PIGC: variants seen among roughly 807,000 people sequenced by gnomAD.
PIGC encodes the protein phosphatidylinositol N-acetylglucosaminyltransferase subunit C.
PIGC carries 14 observed loss-of-function variants against 20.9 expected under a neutral mutation model. The ratio of observed to expected loss-of-function variants is 0.67; its 90% CI spans 0.44 to 1.05. The LOEUF (loss-of-function observed/expected upper bound fraction) is 1.05. Among genes scored for constraint, PIGC ranks in the 50% least tolerant of loss-of-function variants. PIGC has a pLI of 0.00. For missense variants in PIGC, 310 were observed against 360.9 expected (o/e 0.86, Z 1.14); for synonymous variants, 132 against 141.4 (o/e 0.93, Z 0.47).
At chr1:172,443,016 T>C (rs1208422174) in intron 1 of PIGC, 186 bp from the exon 2 acceptor site, 1 of 186,296 alleles carries the variant, frequency 5.4e-6, no homozygotes, top group East Asian at 1.5e-4. Context: ...TAGACATCTG[T>C]TAGCTATCGC....
At position 172,442,532 on chromosome 1, in the gene PIGC, G is replaced by T; in HGVS notation, c.91C>A (p.Arg31=). 1 of 1,614,074 alleles carries T rather than the reference G, an allele frequency of 6.2e-7. No homozygotes were observed. Among genetic ancestry groups the T allele is most frequent in the East Asian group, 2.2e-5 (1 of 44,884 alleles). The stretch of plus-strand genomic sequence containing the variant: ...TTCCGGAGCTCTTCCAGGAATCGCC[G>T]GTCCACATAGTTATCAGGAAAGGGC... ...RQPFPDNYVD[R]RFLEELRKNI... The change falls in exon 2 of 2, where the codon CGG becomes AGG. Residue 31 remains arginine, a synonymous_variant. Coordinates refer to ENST00000344529, the MANE Select transcript of PIGC (RefSeq NM_153747.2).
In PIGC at chr1:172,442,069, G is replaced by C. The variant is rs752801400; in HGVS notation, c.554C>G (p.Ala185Gly). The change falls in exon 2 of 2, where the codon GCT (alanine) becomes GGT (glycine). Residue 185 changes from alanine to glycine, a missense_variant. Transcript: ENST00000344529. ...AAGACGTGATGCCAAGCATACAGAAGCAAAGATGGCCATGTTCAAGGATAG... is the reference window on the plus strand; with the variant it reads ...AAGACGTGATGCCAAGCATACAGAACCAAAGATGGCCATGTTCAAGGATAG... The part of the protein sequence containing the change: ...STLSLNMAIF[A>G]SVCLASRLPR... 8.7e-6 allele frequency: 14 copies of C among 1,614,064 alleles called. No individual in the cohort carries two copies. Among genetic ancestry groups the C allele is most frequent in the Non-Finnish European group, 1.2e-5 (14 of 1,180,030 alleles).
At position 172,442,761 on chromosome 1, in the gene PIGC, T is replaced by C; in HGVS notation, c.-139A>G. 2 of 753,200 alleles carry C rather than the reference T, an allele frequency of 2.7e-6. No homozygotes were observed. The highest frequency in any genetic ancestry group is 3.6e-5 in the South Asian group (2 of 56,202). The allele number at this position is 753,200 out of a possible 1,614,324, so 46.7% of individuals were successfully genotyped here. ...TTGATGTTCTACCAACCTTTCCTTG[T>C]TTTCAAAGGCAGGGGCTAGGCCTAC... On this transcript the variant is annotated 5_prime_UTR_variant, in exon 2 of 2. Transcript: ENST00000344529.
chr1:172,442,679 G>T lies in PIGC; in HGVS notation c.-57C>A. The T allele has an allele frequency of 6.8e-7, 1 of 1,460,324 alleles. No homozygotes were observed. The highest frequency in any genetic ancestry group is 9.5e-7 in the Non-Finnish European group (1 of 1,056,020). The allele number at this position is 1,460,324 out of a possible 1,614,324, so 90.5% of individuals were successfully genotyped here. A position where few individuals can be genotyped will look rare whatever the true frequency, so the allele number is the denominator to read the frequency against. On this transcript the variant is annotated 5_prime_UTR_variant, in exon 2 of 2. Coordinates refer to ENST00000344529, the MANE Select transcript of PIGC (RefSeq NM_153747.2). ...TCATCGCCCTCACAGAAGTCCAGGT[G>T]GTTCTTGTTCTTTATGAAGTTTTGA... is the stretch of plus-strand genomic sequence containing the variant.
At position 172,441,506 on chromosome 1, in the gene PIGC, C is replaced by T. The variant is rs1195846578; in HGVS notation, c.*223G>A. 2 of 408,046 alleles carry T rather than the reference C, an allele frequency of 4.9e-6. No individual in the cohort carries two copies. The highest frequency in any genetic ancestry group is 8.7e-6 in the Non-Finnish European group (2 of 230,690). The allele number at this position is 408,046 out of a possible 1,614,324, so 25.3% of individuals were successfully genotyped here. On this transcript the variant is annotated 3_prime_UTR_variant, in exon 2 of 2. Coordinates refer to ENST00000344529, the MANE Select transcript of PIGC (RefSeq NM_153747.2). ...AACCACATCACTTCATATGTTACAG[C>T]ATGTAATTCAAGAGGTCCCCAGAAA...
chr1:172,442,518 T>C lies in PIGC; in HGVS notation c.105A>G (p.Glu35=). 6.2e-7 allele frequency: 1 copy of C among 1,614,198 alleles called. No individual in the cohort carries two copies. Among genetic ancestry groups the C allele is most frequent in the Non-Finnish European group, 8.5e-7 (1 of 1,180,032 alleles). ...PDNYVDRRFL[E]ELRKNIHARK... The stretch of plus-strand genomic sequence containing the variant: ...GAGCATGGATGTTTTTCCGGAGCTC[T>C]TCCAGGAATCGCCGGTCCACATAGT... The change falls in exon 2 of 2, where the codon GAA becomes GAG. Residue 35 remains glutamate, a synonymous_variant. Transcript: ENST00000344529.
rs1417130070 is a variant in PIGC at position 172,441,467 on chromosome 1, ATTTTT to A, written c.*257_*261del. 2 of 303,762 alleles carry A rather than the reference ATTTTT, an allele frequency of 6.6e-6. No homozygotes were observed. The highest frequency in any genetic ancestry group is 1.2e-5 in the Non-Finnish European group (2 of 165,906). The allele number at this position is 303,762 out of a possible 1,614,324, so 18.8% of individuals were successfully genotyped here. A position where few individuals can be genotyped will look rare whatever the true frequency, so the allele number is the denominator to read the frequency against. ...CATGAGACAACTTGATGGATGTGTT[ATTTTT>A]TTAATAGAAACCACATCACTTCATA... is the stretch of plus-strand genomic sequence containing the variant. On this transcript the variant is annotated 3_prime_UTR_variant, in exon 2 of 2. Transcript: ENST00000344529.
At position 172,442,752 on chromosome 1, in the gene PIGC, C is replaced by G; in HGVS notation, c.-130G>C. 1.2e-6 allele frequency: 1 copy of G among 808,946 alleles called. No individual in the cohort carries two copies. The highest frequency in any genetic ancestry group is 2.0e-6 in the Non-Finnish European group (1 of 492,112). The allele number at this position is 808,946 out of a possible 1,614,324, so 50.1% of individuals were successfully genotyped here. On this transcript the variant is annotated 5_prime_UTR_variant, in exon 2 of 2. Transcript: ENST00000344529. ...CATGCTGTGTTGATGTTCTACCAAC[C>G]TTTCCTTGTTTTCAAAGGCAGGGGC...
In PIGC at chr1:172,441,618, C is replaced by G; in HGVS notation, c.*111G>C. The G allele has an allele frequency of 1.9e-6, 2 of 1,026,750 alleles. No homozygotes were observed. The highest frequency in any genetic ancestry group is 2.8e-6 in the Non-Finnish European group (2 of 714,754). The allele number at this position is 1,026,750 out of a possible 1,614,324, so 63.6% of individuals were successfully genotyped here. On this transcript the variant is annotated 3_prime_UTR_variant, in exon 2 of 2. Coordinates refer to ENST00000344529, the MANE Select transcript of PIGC (RefSeq NM_153747.2). ...ATTTTTTTTGGTTTTGATCTCTATT[C>G]TCTTACCACAATGACATGCTGCTTC...
chr1:172,441,934 C>T lies in PIGC; in HGVS notation c.689G>A (p.Gly230Glu). ...LKACTPRSYV[G>E]VTLLFAFSAV... ...TGAAAATGCAAAAAGCAGTGTGACC[C>T]CCACATAGCTCCGGGGAGTACATGC... is the stretch of plus-strand genomic sequence containing the variant. The change falls in exon 2 of 2, where the codon GGG becomes GAG. Residue 230 changes from glycine (G) to glutamate (E), a missense_variant. Coordinates refer to ENST00000344529, the MANE Select transcript of PIGC (RefSeq NM_153747.2). 3 of 1,614,170 alleles carry T rather than the reference C, an allele frequency of 1.9e-6. No homozygotes were observed. The South Asian group carries it at 3.3e-5, about 18-fold the overall frequency.
At position 172,442,412 on chromosome 1, in the gene PIGC, T is replaced by C. The variant is rs1558132430; in HGVS notation, c.211A>G (p.Ile71Val). The C allele has an allele frequency of 6.2e-7, 1 of 1,614,040 alleles. No individual in the cohort carries two copies. The highest frequency in any genetic ancestry group is 1.3e-5 in the African/African-American group (1 of 75,024). ...QLCSVCVFVV[I>V]WWYMDEGLLA... ...AGACCCTCATCCATATACCACCAGATAACCACAAAAACACAAACACTGCAC... is the reference window on the plus strand; with the variant it reads ...AGACCCTCATCCATATACCACCAGACAACCACAAAAACACAAACACTGCAC... Residue 71 changes from isoleucine (I) to valine (V), a missense_variant, in exon 2 of 2, where the codon ATC becomes GTC. Coordinates refer to ENST00000344529, the MANE Select transcript of PIGC (RefSeq NM_153747.2).
In PIGC at chr1:172,442,702, T is replaced by G; in HGVS notation, c.-80A>C. The G allele has an allele frequency of 1.6e-6, 2 of 1,232,680 alleles. No individual in the cohort carries two copies. Among genetic ancestry groups the G allele is most frequent in the Non-Finnish European group, 2.3e-6 (2 of 863,042 alleles). The allele number at this position is 1,232,680 out of a possible 1,614,324, so 76.4% of individuals were successfully genotyped here. A position where few individuals can be genotyped will look rare whatever the true frequency, so the allele number is the denominator to read the frequency against. On this transcript the variant is annotated 5_prime_UTR_variant, in exon 2 of 2. Transcript: ENST00000344529. The stretch of plus-strand genomic sequence containing the variant: ...GTGGTTCTTGTTCTTTATGAAGTTT[T>G]GAAATGAGACCTCCCTGGAAATTCC...
Position 172,442,565 on chromosome 1 carries a change from C to T in PIGC, c.58G>A (p.Glu20Lys). The T allele has an allele frequency of 6.2e-7, 1 of 1,614,046 alleles. No individual in the cohort carries two copies. Among genetic ancestry groups the T allele is most frequent in the Non-Finnish European group, 8.5e-7 (1 of 1,179,912 alleles). ...KEVKWQKVLY[E>K]RQPFPDNYVD... ...TAGTTATCAGGAAAGGGCTGTCGCTCATACAAGACCTTCTGCCACTTGACC... is the reference window on the plus strand; with the variant it reads ...TAGTTATCAGGAAAGGGCTGTCGCTTATACAAGACCTTCTGCCACTTGACC... Residue 20 changes from glutamate to lysine, a missense_variant, in exon 2 of 2, where the codon GAG (glutamate) becomes AAG (lysine). Coordinates refer to ENST00000344529, the MANE Select transcript of PIGC (RefSeq NM_153747.2).
chr1:172,443,211 T>A (rs1459019903), intron 1 of PIGC: 1 of 167,702 alleles, frequency 6.0e-6, no homozygotes, highest in Non-Finnish European at 1.5e-5. Context: ...CCAAAGCCTG[T>A]GTCTCACATT....
intron 1 of PIGC, 133 bp downstream of exon 1, chr1:172,443,855 T>G: frequency 1.7e-6 from 1 of 572,330 alleles, no homozygotes; most frequent in East Asian, 1.5e-4. Context: ...CCTTCACTCT[T>G]CTGGCACCCC....
In PIGC at chr1:172,442,709, A is replaced by G; in HGVS notation, c.-87T>C. ...TTGTTCTTTATGAAGTTTTGAAATG[A>G]GACCTCCCTGGAAATTCCATGCTGT... On this transcript the variant is annotated 5_prime_UTR_variant, in exon 2 of 2. Coordinates refer to ENST00000344529, the MANE Select transcript of PIGC (RefSeq NM_153747.2). 1 of 1,156,382 alleles carries G rather than the reference A, an allele frequency of 8.6e-7. No individual in the cohort carries two copies. The highest frequency in any genetic ancestry group is 1.3e-6 in the Non-Finnish European group (1 of 795,196). 71.6% of individuals were successfully genotyped at this position (1,156,382 alleles called of 1,614,324 possible). A position where few individuals can be genotyped will look rare whatever the true frequency, so the allele number is the denominator to read the frequency against.
chr1:172,442,463 CAA>C lies in PIGC; in HGVS notation c.158_159del (p.Phe53Ter). Reference sequence around the variant, plus strand: ...AGCTGCTGGATCACCACACTGGACTCAAATACCACAGCCCAATATTGGTATTT... The same window carrying C: ...AGCTGCTGGATCACCACACTGGACTCATACCACAGCCCAATATTGGTATTT... ...ARKYQYWAVV[F>X]ESSVVIQQLC... On this transcript the variant is annotated frameshift_variant, in exon 2 of 2. Transcript: ENST00000344529. LOFTEE classifies it high-confidence loss of function. The C allele has an allele frequency of 1.2e-6, 2 of 1,614,162 alleles. No homozygotes were observed. The highest frequency in any genetic ancestry group is 1.7e-6 in the Non-Finnish European group (2 of 1,180,018).
chr1:172,441,542 C>T lies in PIGC; in HGVS notation c.*187G>A. Reference sequence around the variant, plus strand: ...AGAGGTCCCCAGAAAGTTTTTTCATCTACAAAATAACAGAAAGGATAAGCA... The same window carrying T: ...AGAGGTCCCCAGAAAGTTTTTTCATTTACAAAATAACAGAAAGGATAAGCA... On this transcript the variant is annotated 3_prime_UTR_variant, in exon 2 of 2. Transcript: ENST00000344529. 2.2e-6 allele frequency: 1 copy of T among 463,794 alleles called. No homozygotes were observed. Among genetic ancestry groups the T allele is most frequent in the Non-Finnish European group, 3.7e-6 (1 of 267,488 alleles). 28.7% of individuals were successfully genotyped at this position (463,794 alleles called of 1,614,324 possible).
Position 172,441,911 on chromosome 1 carries a change from A to G in PIGC, c.712T>C (p.Ser238Pro). 6.2e-7 allele frequency: 1 copy of G among 1,614,188 alleles called. No individual in the cohort carries two copies. Among genetic ancestry groups the G allele is most frequent in the Admixed American group, 1.7e-5 (1 of 60,030 alleles). Reference protein sequence around the residue: ...YVGVTLLFAFSAVGGLLSISA... With the variant: ...YVGVTLLFAFPAVGGLLSISA... ...ATGGACAGTAGGCCTCCCACGGCTGAAAATGCAAAAAGCAGTGTGACCCCC... is the reference window on the plus strand; with the variant it reads ...ATGGACAGTAGGCCTCCCACGGCTGGAAATGCAAAAAGCAGTGTGACCCCC... The change falls in exon 2 of 2, where the codon TCA becomes CCA. Residue 238 changes from serine to proline, a missense_variant. Physicochemically the swap from Ser to Pro is moderately conservative, Grantham distance 74. Coordinates refer to ENST00000344529, the MANE Select transcript of PIGC (RefSeq NM_153747.2).
Sources: allele counts gnomAD v4.1 joint callset, GRCh38; gene constraint gnomAD v4.1.1; transcripts MANE v1.5; gene names NCBI Gene and HGNC (gene_info 2026-07-23, HGNC 2026-07-21).